The following PCDH11Y variants were observed in gnomAD, a reference collection of about 807,000 sequenced individuals.
PCDH11Y encodes protocadherin 11 Y-linked, also known as protocadherin-11 Y-linked.
For missense variants in PCDH11Y, 12 were observed against 224.8 expected (o/e 0.05, Z 6.05); for synonymous variants, 9 against 83.6 (o/e 0.11, Z 4.87).
intron 2 of PCDH11Y, among the ~76,000 whole-genome samples, chrY:5,401,822 C>T (rs2124677123): frequency 3.0e-5 from 1 of 33,579 alleles, no homozygotes; most frequent in East Asian, 7.9e-4. Flanking sequence ...AATCAACCAG[C>T]AACCCTGATA....
exon 5 of PCDH11Y, chrY:5,737,553 C>A: frequency 2.5e-6 from 1 of 398,927 alleles, no homozygotes; most frequent in Non-Finnish European, 3.5e-6. Context: ...GGTGTCTGCT[C>A]TCCACCACAG....
At chrY:5,566,355 T>C (rs2053435130) in intron 3 of PCDH11Y, among the ~76,000 whole-genome samples, 2 of 33,626 alleles carry the variant, frequency 5.9e-5, no homozygotes, top group Non-Finnish European at 1.5e-4. Context: ...TTCTGTATTA[T>C]TGTTTTTGTT....
At chrY:5,045,487 A>T (rs2052633486) in intron 3 of PCDH11Y, among the ~76,000 whole-genome samples, 1 of 32,886 alleles carries the variant, frequency 3.0e-5, no homozygotes, top group Non-Finnish European at 7.4e-5. Flanking sequence ...ATCTGCTGTT[A>T]GTCTGATGGG....
At chrY:5,303,155 G>T in intron 2 of PCDH11Y, among the ~76,000 whole-genome samples, 1 of 32,443 alleles carries the variant, frequency 3.1e-5, no homozygotes, top group Non-Finnish European at 7.6e-5. Context: ...AACACTGTTT[G>T]TATAGCATGG....
intron 2 of PCDH11Y, among the ~76,000 whole-genome samples, chrY:5,247,567 C>T: frequency 3.1e-5 from 1 of 32,767 alleles, no homozygotes; most frequent in Non-Finnish European, 7.4e-5. Flanking sequence ...ATCTCTTGGA[C>T]ACAGCTAAAG....
At chrY:5,268,128 G>C in intron 2 of PCDH11Y, among the ~76,000 whole-genome samples, 1 of 32,721 alleles carries the variant, frequency 3.1e-5, no homozygotes, top group Non-Finnish European at 7.7e-5. Flanking sequence ...ATGGGCCACT[G>C]GTCCTTGGTG....
At chrY:5,002,591 G>C in intron 1 of PCDH11Y, 1 of 32,093 alleles carries the variant, frequency 3.1e-5, no homozygotes, top group Non-Finnish European at 7.5e-5. Context: ...GCGTGTGTGT[G>C]TGTGTGTCGC....
intron 2 of PCDH11Y, among the ~76,000 whole-genome samples, chrY:5,136,052 C>A: frequency 3.1e-5 from 1 of 32,320 alleles, no homozygotes; most frequent in Non-Finnish European, 7.6e-5. Context: ...ATATTAACAA[C>A]AAAGAGCTCT....
intron 2 of PCDH11Y, among the ~76,000 whole-genome samples, chrY:5,267,485 C>T: frequency 3.2e-5 from 1 of 31,684 alleles, no homozygotes; most frequent in Admixed American, 3.0e-4. Context: ...GGATTACAGA[C>T]GTGAGCCACC....
chrY:5,713,712 C>T, intron 4 of PCDH11Y, among the ~76,000 whole-genome samples: 1 of 30,770 alleles, frequency 3.2e-5, no homozygotes, highest in Non-Finnish European at 7.7e-5. Context: ...AGGACTCTGA[C>T]GGGTGCACTT....
At chrY:5,695,248 C>A in intron 4 of PCDH11Y, among the ~76,000 whole-genome samples, 1 of 31,893 alleles carries the variant, frequency 3.1e-5, no homozygotes, top group East Asian at 8.0e-4. Flanking sequence ...GTCTTGATAC[C>A]TATCTTGTCT....
At chrY:5,573,584 C>G in intron 3 of PCDH11Y, 1 of 285,176 alleles carries the variant, frequency 3.5e-6, no homozygotes, top group Non-Finnish European at 5.5e-6. Context: ...TGGACAATGC[C>G]TGCATCGTTC....
chrY:5,655,516 GTAT>G (rs2053535257), intron 4 of PCDH11Y, among the ~76,000 whole-genome samples: 1 of 32,564 alleles, frequency 3.1e-5, no homozygotes, highest in Non-Finnish European at 7.5e-5. Context: ...GCCAGTTCCT[GTAT>G]TATTTTATTG....
At chrY:5,498,109 A>T in intron 2 of PCDH11Y, among the ~76,000 whole-genome samples, 2 of 33,127 alleles carry the variant, frequency 6.0e-5, no homozygotes, top group African/African-American at 2.4e-4. Context: ...CAGTTTAGGG[A>T]GGGTCAGAAT....
At chrY:5,383,804 A>T (rs2124674615) in intron 2 of PCDH11Y, among the ~76,000 whole-genome samples, 1 of 32,190 alleles carries the variant, frequency 3.1e-5, no homozygotes, top group East Asian at 8.5e-4. Flanking sequence ...TTTTTAGTAG[A>T]GACAGGGTTT....
chrY:5,108,734 T>A (rs1359459757), downstream of PCDH11Y, among the ~76,000 whole-genome samples: 1 of 14,778 alleles, frequency 6.8e-5, no homozygotes, highest in Non-Finnish European at 1.3e-4. Context: ...GCGACAGAGC[T>A]AGACTCCATC....
At chrY:5,673,649 G>A in intron 4 of PCDH11Y, among the ~76,000 whole-genome samples, 2 of 31,327 alleles carry the variant, frequency 6.4e-5, no homozygotes, top group Non-Finnish European at 1.6e-4. Flanking sequence ...ATTTATTTAT[G>A]GGGAAAATGG....
intron 2 of PCDH11Y, among the ~76,000 whole-genome samples, chrY:5,401,545 C>A: frequency 1.8e-4 from 6 of 32,657 alleles, no homozygotes; most frequent in Admixed American, 1.7e-3. Flanking sequence ...ACCTGTCATA[C>A]AGGTTTTAAG....
At chrY:5,301,426 T>C in intron 2 of PCDH11Y, among the ~76,000 whole-genome samples, 1 of 33,709 alleles carries the variant, frequency 3.0e-5, no homozygotes, top group Non-Finnish European at 7.4e-5. Context: ...CAAAAATACA[T>C]AAAAAATCTT....
Sources: gnomAD v4.1 joint callset for allele counts (sites outside exome capture counted in the v4.1 genomes callset) on GRCh38, gnomAD v4.1.1 for gene constraint, MANE v1.5 for transcripts, NCBI Gene and HGNC (gene_info 2026-07-23, HGNC 2026-07-21) for gene names.